ROCK1: variants seen among roughly 807,000 people sequenced by gnomAD.
ROCK1 encodes the protein rho-associated protein kinase 1.
A neutral mutation model predicts 196.8 loss-of-function variants in ROCK1; 36 were observed. The ratio of observed to expected loss-of-function variants is 0.18; its 90% CI spans 0.14 to 0.24. The LOEUF (loss-of-function observed/expected upper bound fraction) is 0.24, where lower values mean the gene tolerates loss of function less well. ROCK1 is among the 10% of genes least tolerant of loss of function. The probability of loss-of-function intolerance (pLI) is 1.00; values close to 1 mark genes in which losing one functional copy is unlikely to be tolerated. For missense variants in ROCK1, 920 were observed against 1,562.0 expected (o/e 0.59, Z 6.93); for synonymous variants, 443 against 515.9 (o/e 0.86, Z 1.91).
Position 20,987,057 on chromosome 18 carries a change from G to T in ROCK1, c.2197C>A (p.Arg733=). ...CACTGTTTCTCAATCTGAACAACCC[G>T]ATTTTCAGCCTTCTCTCGAGCTTCT... ...EREAREKAEN[R]VVQIEKQCSM... Residue 733 remains arginine (R), a synonymous_variant, in exon 19 of 33, where the codon CGG becomes AGG. Coordinates refer to ENST00000399799, the MANE Select transcript of ROCK1 (RefSeq NM_005406.3). The T allele has an allele frequency of 2.5e-6, 4 of 1,612,608 alleles. No individual in the cohort carries two copies. The highest frequency in any genetic ancestry group is 3.4e-6 in the Non-Finnish European group (4 of 1,179,614).
Position 21,011,228 on chromosome 18 carries a change from T to C in ROCK1, c.1411-3034A>G, listed in dbSNP as rs1342427758. ...TTGTTTTTTTGTTTGATCTCTGTTA[T>C]TTCTACATTTTCTTTCCTGTCTTTC... On this transcript the variant is annotated intron_variant, in intron 13 of 32. Transcript: ENST00000399799. Among the ~76,000 whole-genome samples the C allele has an allele frequency of 3.9e-5, 6 of 152,206 alleles. 1 individual carries two copies. The highest frequency in any genetic ancestry group is 1.2e-4 in the African/African-American group (5 of 41,438).
At chr18:21,074,729 G>T (rs767250012) in intron 1 of ROCK1, among the ~76,000 whole-genome samples, 30 of 152,002 alleles carry the variant, frequency 2.0e-4, no homozygotes, top group Admixed American at 5.2e-4. Flanking sequence ...TCTTCTGCAG[G>T]AAAGCAGAAA....
chr18:20,971,345 T>TACACAC (rs368486910), intron 22 of ROCK1, among the ~76,000 whole-genome samples: 14 of 147,656 alleles, frequency 9.5e-5, no homozygotes, highest in East Asian at 4.0e-4. Flanking sequence ...CACACACACA[T>TACACAC]ACACACAGAA....
intron 7 of ROCK1, 65 bp downstream of exon 7, chr18:21,042,500 G>C (rs1341378735): frequency 2.0e-6 from 3 of 1,480,384 alleles, no homozygotes; most frequent in Non-Finnish European, 2.8e-6. Flanking sequence ...ATATTAGAAA[G>C]AGCCAAGTGG....
chr18:21,079,178 T>C (rs1233029472), intron 1 of ROCK1, among the ~76,000 whole-genome samples: 1 of 152,204 alleles, frequency 6.6e-6, no homozygotes, highest in African/African-American at 2.4e-5. Context: ...TGCTGAGTTA[T>C]TGGGATCCCA....
rs1325870956 is a variant in ROCK1, at chr18:20,951,021, TTGAAAG to T, written c.*357_*362del. ...ATCTTGATAGTGATGGCTGTTCCAC[TTGAAAG>T]TGAAAGTCCCTTCCTCTTACTCATA... On this transcript the variant is annotated 3_prime_UTR_variant, in exon 33 of 33. Coordinates refer to ENST00000399799, the MANE Select transcript of ROCK1 (RefSeq NM_005406.3). 1 of 189,500 alleles carries T rather than the reference TTGAAAG, an allele frequency of 5.3e-6. No individual in the cohort carries two copies. The highest frequency in any genetic ancestry group is 1.1e-5 in the Non-Finnish European group (1 of 92,700). The allele number at this position is 189,500 out of a possible 1,614,324, so 11.7% of individuals were successfully genotyped here.
chr18:21,076,022 G>T (rs2036427833), intron 1 of ROCK1, among the ~76,000 whole-genome samples: 1 of 150,732 alleles, frequency 6.6e-6, no homozygotes, highest in Non-Finnish European at 1.5e-5. Flanking sequence ...ACACAGAGAA[G>T]AAAGACAGAA....
chr18:20,997,759 C>CA (rs2035684791), intron 16 of ROCK1, among the ~76,000 whole-genome samples: 1 of 150,944 alleles, frequency 6.6e-6, no homozygotes, highest in Admixed American at 6.6e-5. Flanking sequence ...TTGAAAAATT[C>CA]AAAAAAAGTA....
Position 21,006,378 on chromosome 18 carries a change from C to T in ROCK1, c.1858G>A (p.Asp620Asn). ...LEAERRDRGH[D>N]SEMIGDLQAR... ...TGAAGGTCTCCAATCATCTCAGAATCATGACCTCTGTCTCTTCGTTCAGCT... is the reference window on the plus strand; with the variant it reads ...TGAAGGTCTCCAATCATCTCAGAATTATGACCTCTGTCTCTTCGTTCAGCT... The change falls in exon 16 of 33, where the codon GAT becomes AAT. Residue 620 changes from aspartate to asparagine, a missense_variant. Physicochemically the swap from Asp to Asn is conservative, Grantham distance 23. Around this residue, in one of 6 missense-constraint regions of ROCK1, gnomAD observed 520 missense variants for 657.1 expected, o/e 0.79. Coordinates refer to ENST00000399799, the MANE Select transcript of ROCK1 (RefSeq NM_005406.3). 6.2e-7 allele frequency: 1 copy of T among 1,612,888 alleles called. No individual in the cohort carries two copies. Among genetic ancestry groups the T allele is most frequent in the East Asian group, 2.2e-5 (1 of 44,844 alleles).
intron 22 of ROCK1, among the ~76,000 whole-genome samples, chr18:20,976,745 A>C (rs752217205): frequency 3.0e-4 from 45 of 152,148 alleles, no homozygotes; most frequent in Non-Finnish European, 5.3e-4. Context: ...CTGCATTCTA[A>C]AGCAATAAGC....
At chr18:21,046,751 A>T (rs1274700863) in intron 4 of ROCK1, among the ~76,000 whole-genome samples, 1 of 152,200 alleles carries the variant, frequency 6.6e-6, no homozygotes, top group East Asian at 1.9e-4. Context: ...AGAGAAGATG[A>T]TCTCTAATTT....
intron 22 of ROCK1, 100 bp downstream of exon 22, chr18:20,979,810 T>C (rs2035514113): frequency 7.3e-7 from 1 of 1,367,276 alleles, no homozygotes; most frequent in Non-Finnish European, 9.8e-7. Flanking sequence ...CTGTGTTCTA[T>C]ACCATTCCCA....
intron 10 of ROCK1, among the ~76,000 whole-genome samples, chr18:21,026,078 C>T (rs1388620148): frequency 2.6e-5 from 4 of 152,046 alleles, no homozygotes; most frequent in Non-Finnish European, 4.4e-5. Flanking sequence ...AAAACATTGG[C>T]GGTTGTTTAT....
At chr18:20,952,066 G>A (rs1406514663) in intron 32 of ROCK1, among the ~76,000 whole-genome samples, 4 of 152,206 alleles carry the variant, frequency 2.6e-5, no homozygotes, top group Non-Finnish European at 5.9e-5. Context: ...TTAATGAGAT[G>A]AGATTTCATT....
intron 27 of ROCK1, among the ~76,000 whole-genome samples, chr18:20,964,382 AACCTTAACTTTATTTGCCAGGG>A (rs1338936325): frequency 2.6e-5 from 4 of 152,182 alleles, no homozygotes; most frequent in Non-Finnish European, 5.9e-5. Flanking sequence ...ATGAATGCAA[AACCTTAACTTTATTTGCCAGGG>A]ACCATTTTTG....
chr18:21,058,308 C>T (rs924992518), intron 2 of ROCK1, among the ~76,000 whole-genome samples: 19 of 151,996 alleles, frequency 1.3e-4, no homozygotes, highest in African/African-American at 4.1e-4. Flanking sequence ...TTTGCCTACC[C>T]TAAGATCCTA....
chr18:20,960,094 T>A (rs750236263), intron 28 of ROCK1, 42 bp downstream of exon 28: 1 of 1,335,904 alleles, frequency 7.5e-7, no homozygotes, highest in South Asian at 1.2e-5. Context: ...AAGTAAAATA[T>A]AGAACAAAAT....
Position 21,111,257 on chromosome 18 carries a change from C to T in ROCK1, c.-347G>A. The T allele has an allele frequency of 4.2e-6, 2 of 477,904 alleles. No homozygotes were observed. Among genetic ancestry groups the T allele is most frequent in the East Asian group, 6.6e-5 (2 of 30,310 alleles). 29.6% of individuals were successfully genotyped at this position (477,904 alleles called of 1,614,324 possible). A position where few individuals can be genotyped will look rare whatever the true frequency, so the allele number is the denominator to read the frequency against. On this transcript the variant is annotated 5_prime_UTR_variant, in exon 1 of 33. Transcript: ENST00000399799. The surrounding 1 kb of genome is among the most constrained non-coding windows in gnomAD (Gnocchi z 4.2). ...CCGTCGCCATGGAGGGGTCCCCGTC[C>T]CGAGATGGGCAGGAGCGGGTAGAGA...
Position 21,110,912 on chromosome 18 carries a change from T to C in ROCK1, c.-2A>G, listed in dbSNP as rs1221040049. 5 of 1,612,648 alleles carry C rather than the reference T, an allele frequency of 3.1e-6. No homozygotes were observed. In the African/African-American group the frequency reaches 6.7e-5, roughly 22 times the overall value. ...CTCAAAACTGTCCCCAGTCGACATGTTGCTGCTGCTGTGACAATGCCCTCT... is the reference window on the plus strand; with the variant it reads ...CTCAAAACTGTCCCCAGTCGACATGCTGCTGCTGCTGTGACAATGCCCTCT... On this transcript the variant is annotated 5_prime_UTR_variant, in exon 1 of 33. Transcript: ENST00000399799.
Sources: allele counts gnomAD v4.1 joint callset (sites outside exome capture counted in the v4.1 genomes callset), GRCh38; gene constraint gnomAD v4.1.1; regional missense constraint gnomAD v4.1.1; non-coding constraint Gnocchi (gnomAD v3.1); transcripts MANE v1.5; gene names NCBI Gene and HGNC (gene_info 2026-07-23, HGNC 2026-07-21).